The following BBS12 variants were observed in gnomAD, a reference collection of about 807,000 sequenced individuals.
BBS12 encodes chaperonin-containing T-complex member BBS12.
A neutral mutation model predicts 5.6 loss-of-function variants in BBS12; 5 were observed. The observed-to-expected ratio is 0.89, with a 90% CI of 0.46 to 1.86. The LOEUF is 1.86. BBS12 is among the 40% of genes most tolerant of loss of function. The pLI, the probability that BBS12 is intolerant of heterozygous loss-of-function variation, is 0.01. For missense variants in BBS12, 748 were observed against 830.4 expected (o/e 0.90, Z 1.22); for synonymous variants, 308 against 306.8 (o/e 1.00, Z -0.04).
chr4:122,713,198 G>A, the BBS12 span, among the ~76,000 whole-genome samples: 4 of 152,196 alleles, frequency 2.6e-5, no homozygotes, highest in Non-Finnish European at 5.9e-5. Flanking sequence ...TTATGCTTGC[G>A]AAAATGTGTA....
At chr4:122,712,361 T>A in the BBS12 span, among the ~76,000 whole-genome samples, 371 of 152,352 alleles carry the variant, frequency 2.4e-3, 3 homozygotes, top group African/African-American at 8.6e-3. Context: ...TGCAGCATAA[T>A]GGGAGAGATC....
the BBS12 span, among the ~76,000 whole-genome samples, chr4:122,716,638 T>TAC: frequency 0.061 from 6,447 of 106,390 alleles, 538 homozygotes; most frequent in African/African-American, 0.18. Context: ...CATATGTATA[T>TAC]ACACACGTGT....
intron 1 of BBS12, among the ~76,000 whole-genome samples, chr4:122,739,672 T>C (rs958668394): frequency 3.9e-5 from 6 of 152,262 alleles, no homozygotes; most frequent in African/African-American, 1.4e-4. Context: ...GCAGCCCATG[T>C]AGACAGCTTC....
the BBS12 span, among the ~76,000 whole-genome samples, chr4:122,700,527 C>T: frequency 6.6e-6 from 1 of 152,226 alleles, no homozygotes; most frequent in East Asian, 1.9e-4. Context: ...GGGAACAGCT[C>T]ACAGTGAATC....
chr4:122,729,299 C>T (rs577600240), upstream of BBS12: 1 of 152,410 alleles, frequency 6.6e-6, no homozygotes, highest in South Asian at 2.1e-4. Flanking sequence ...GACTCCTAGT[C>T]TCTTCAAAAG....
intron 1 of BBS12, among the ~76,000 whole-genome samples, chr4:122,734,336 G>A (rs1800753854): frequency 6.6e-6 from 1 of 151,890 alleles, no homozygotes; most frequent in East Asian, 1.9e-4. Flanking sequence ...CTCAATCCCG[G>A]CTCACTGCAA....
the BBS12 span, among the ~76,000 whole-genome samples, chr4:122,727,100 AT>A: frequency 6.6e-6 from 1 of 151,834 alleles, no homozygotes; most frequent in Non-Finnish European, 1.5e-5. Flanking sequence ...AAATAAAAAC[AT>A]TTTTTTAAAG....
chr4:122,709,837 G>A, the BBS12 span, among the ~76,000 whole-genome samples: 12 of 151,976 alleles, frequency 7.9e-5, no homozygotes, highest in Non-Finnish European at 1.6e-4. Context: ...TGTATTTTTA[G>A]TAGAGACGGG....
At chr4:122,703,165 G>A in the BBS12 span, among the ~76,000 whole-genome samples, 1 of 152,034 alleles carries the variant, frequency 6.6e-6, no homozygotes, top group Non-Finnish European at 1.5e-5. Context: ...AAGAGGAGGG[G>A]CTGGTTGGTT....
upstream of BBS12, chr4:122,732,285 A>G (rs1800707284): frequency 6.6e-6 from 1 of 152,268 alleles, no homozygotes; most frequent in African/African-American, 2.4e-5. Flanking sequence ...ATATTAAAGT[A>G]CCTATTTCCT....
Position 122,742,117 on chromosome 4 carries a change from A to T in BBS12, c.225A>T (p.Gln75His), listed in dbSNP as rs1280516720. 1.9e-6 allele frequency: 3 copies of T among 1,614,170 alleles called. No homozygotes were observed. The highest frequency in any genetic ancestry group is 2.5e-6 in the Non-Finnish European group (3 of 1,180,040). ...AVGQLLNEAV[Q>H]AQNNTYRTGI... ...GACAACTTCTCAATGAAGCAGTTCA[A>T]GCACAAAACAACACATATAGAACTG... is the stretch of plus-strand genomic sequence containing the variant. Residue 75 changes from glutamine to histidine, a missense_variant, in exon 2 of 2, where the codon CAA becomes CAT. Coordinates refer to ENST00000314218, the MANE Select transcript of BBS12 (RefSeq NM_152618.3).
rs1362612833 is a variant in BBS12 at position 122,744,060 on chromosome 4, A to C, written c.*35A>C. ...CTAAGTCTTTGGAAAATAATTTTTC[A>C]TAATATGTCATGCTAATAATAAATA... is the stretch of plus-strand genomic sequence containing the variant. On this transcript the variant is annotated 3_prime_UTR_variant, in exon 2 of 2. Coordinates refer to ENST00000314218, the MANE Select transcript of BBS12 (RefSeq NM_152618.3). 6.3e-7 allele frequency: 1 copy of C among 1,575,534 alleles called. No homozygotes were observed. Among genetic ancestry groups the C allele is most frequent in the Non-Finnish European group, 8.7e-7 (1 of 1,145,768 alleles).
At chr4:122,738,279 C>T (rs560799054) in intron 1 of BBS12, among the ~76,000 whole-genome samples, 80 of 152,108 alleles carry the variant, frequency 5.3e-4, no homozygotes, top group Non-Finnish European at 1.0e-3. Context: ...TGTGCAATCT[C>T]GGCTCACTGC....
In BBS12 at chr4:122,744,059, C is replaced by T. The variant is rs757090383; in HGVS notation, c.*34C>T. 76 of 1,574,476 alleles carry T rather than the reference C, an allele frequency of 4.8e-5. No homozygotes were observed. The highest frequency in any genetic ancestry group is 6.5e-5 in the Non-Finnish European group (74 of 1,144,924). On this transcript the variant is annotated 3_prime_UTR_variant, in exon 2 of 2. Coordinates refer to ENST00000314218, the MANE Select transcript of BBS12 (RefSeq NM_152618.3). ...GCTAAGTCTTTGGAAAATAATTTTT[C>T]ATAATATGTCATGCTAATAATAAAT...
At chr4:122,734,625 G>A (rs575163265) in intron 1 of BBS12, among the ~76,000 whole-genome samples, 5 of 152,178 alleles carry the variant, frequency 3.3e-5, no homozygotes, top group Non-Finnish European at 7.4e-5. Context: ...AATGAATAGT[G>A]ACCAAGTATA....
the BBS12 span, among the ~76,000 whole-genome samples, chr4:122,727,544 A>T: frequency 4.9e-5 from 4 of 82,298 alleles, no homozygotes; most frequent in South Asian, 4.6e-4. Context: ...CCCCTGGCCA[A>T]TTTTTTTTTT....
At chr4:122,717,282 A>C in the BBS12 span, among the ~76,000 whole-genome samples, 2 of 152,202 alleles carry the variant, frequency 1.3e-5, no homozygotes, top group Non-Finnish European at 2.9e-5. Flanking sequence ...TAACTTTATC[A>C]CTATAGAAAA....
chr4:122,742,507 G>A lies in BBS12; in HGVS notation c.615G>A (p.Lys205=). ...KSYELFKPQT[K]VEADNNTSRT... ...ATGAATTATTTAAACCTCAGACAAA[G>A]GTTGAAGCAGATAACAACACATCAC... The change falls in exon 2 of 2, where the codon AAG becomes AAA. Residue 205 remains lysine (K), a synonymous_variant. Transcript: ENST00000314218. 2 of 1,614,136 alleles carry A rather than the reference G, an allele frequency of 1.2e-6. No individual in the cohort carries two copies. The highest frequency in any genetic ancestry group is 1.7e-6 in the Non-Finnish European group (2 of 1,179,998).
At chr4:122,722,545 T>C in the BBS12 span, among the ~76,000 whole-genome samples, 1,233 of 152,300 alleles carry the variant, frequency 8.1e-3, 16 homozygotes, top group African/African-American at 0.028. Context: ...TAGCTCTCCA[T>C]TTATTTATGT....
Sources: allele counts gnomAD v4.1 joint callset (sites outside exome capture counted in the v4.1 genomes callset), GRCh38; gene constraint gnomAD v4.1.1; transcripts MANE v1.5; gene names NCBI Gene and HGNC (gene_info 2026-07-23, HGNC 2026-07-21).